ZFPM2: variants seen among roughly 807,000 people sequenced by gnomAD.
ZFPM2 encodes zinc finger protein ZFPM2.
A neutral mutation model predicts 98.6 loss-of-function variants in ZFPM2; 20 were observed. That is an observed-to-expected ratio of 0.20 (90% CI 0.14 to 0.29). ZFPM2 has a LOEUF of 0.29. Among genes scored for constraint, ZFPM2 ranks in the 10% least tolerant of loss-of-function variants. The pLI is 1.00. For synonymous variants in ZFPM2, 518 were observed against 502.7 expected (o/e 1.03, Z -0.41); for missense variants, 1,310 against 1,388.6 (o/e 0.94, Z 0.90).
intron 5 of ZFPM2, chr8:105,676,103 C>T (rs1207140362): frequency 6.6e-6 from 1 of 152,158 alleles, no homozygotes; most frequent in African/African-American, 2.4e-5. Flanking sequence ...AGTATTTTTC[C>T]TCAGAATCTG....
chr8:105,733,225 C>G (rs114826616), intron 5 of ZFPM2, among the ~76,000 whole-genome samples: 1 of 151,856 alleles, frequency 6.6e-6, no homozygotes, highest in African/African-American at 2.4e-5. Context: ...GCAAACTCTG[C>G]TTTCACACAT....
intron 3 of ZFPM2, among the ~76,000 whole-genome samples, chr8:105,485,465 C>G (rs1350837772): frequency 6.6e-6 from 1 of 152,034 alleles, no homozygotes; most frequent in Non-Finnish European, 1.5e-5. Context: ...CTGCAATGAG[C>G]TATGATTGTG....
Position 105,716,589 on chromosome 8 carries a change from T to G in ZFPM2, c.533-72129T>G, listed in dbSNP as rs910155146. 7.2e-5 allele frequency among the ~76,000 whole-genome samples: 11 copies of G among 152,086 alleles called. No homozygotes were observed. The Middle Eastern group carries it at 0.01, about 142-fold the overall frequency. On this transcript the variant is annotated intron_variant, in intron 5 of 7. Coordinates refer to ENST00000407775, the MANE Select transcript of ZFPM2 (RefSeq NM_012082.4). ...ATGTTTCACATGATTTGCAGGAAAT[T>G]TTCTAAACCTTGTTGAGAGACCATG...
chr8:105,634,167 A>G, intron 4 of ZFPM2, 79 bp from the exon 5 acceptor site: 1 of 1,040,646 alleles, frequency 9.6e-7, no homozygotes, highest in South Asian at 1.5e-5. Flanking sequence ...TGTAAAAATA[A>G]AATGATTAGT....
Position 105,802,227 on chromosome 8 carries a change from C to G in ZFPM2, c.2145C>G (p.Asp715Glu). Reference protein sequence around the residue: ...HKQYYCATRHDPPLKRSASNK... With the variant: ...HKQYYCATRHEPPLKRSASNK... ...AGTATTACTGTGCTACACGCCACGA[C>G]CCTCCACTGAAGAGGTCTGCTTCCA... is the stretch of plus-strand genomic sequence containing the variant. Residue 715 changes from aspartate to glutamate, a missense_variant, in exon 8 of 8, where the codon GAC becomes GAG. By Grantham distance (45) the Asp-to-Glu change is conservative. Transcript: ENST00000407775. The G allele has an allele frequency of 6.2e-7, 1 of 1,613,934 alleles. No homozygotes were observed. Among genetic ancestry groups the G allele is most frequent in the Non-Finnish European group, 8.5e-7 (1 of 1,179,864 alleles).
intron 3 of ZFPM2, among the ~76,000 whole-genome samples, chr8:105,448,726 T>A (rs1360784416): frequency 3.9e-5 from 6 of 152,044 alleles, no homozygotes; most frequent in Non-Finnish European, 7.4e-5. Context: ...AAAATGGGAA[T>A]AATAATAGCT....
At chr8:105,418,083 TGCAC>T (rs1811713993) in intron 1 of ZFPM2, among the ~76,000 whole-genome samples, 1 of 152,162 alleles carries the variant, frequency 6.6e-6, no homozygotes, top group African/African-American at 2.4e-5. Flanking sequence ...TTGTAGTATA[TGCAC>T]TATTTTAAAT....
chr8:105,683,584 C>T (rs1193598210), intron 5 of ZFPM2, among the ~76,000 whole-genome samples: 1 of 152,116 alleles, frequency 6.6e-6, no homozygotes, highest in Non-Finnish European at 1.5e-5. Context: ...ATCTTCCCTC[C>T]TCCTTCACAG....
rs397968210 is a variant in ZFPM2 at position 105,775,077 on chromosome 8, TAAAA to T, written c.533-13625_533-13622del. Reference sequence around the variant, plus strand: ...AGAAGTTTAATGAGCCTCTTGGAATTAAAAAAAAAAAAAAAAAAAGCAAAACAAG... The same window carrying T: ...AGAAGTTTAATGAGCCTCTTGGAATTAAAAAAAAAAAAAAAGCAAAACAAG... On this transcript the variant is annotated intron_variant, in intron 5 of 7. Coordinates refer to ENST00000407775, the MANE Select transcript of ZFPM2 (RefSeq NM_012082.4). Among the ~76,000 whole-genome samples, 16 of 104,924 alleles carry T rather than the reference TAAAA, an allele frequency of 1.5e-4. No homozygotes were observed. The East Asian group carries it at 3.1e-3, about 20-fold the overall frequency. 68.8% of individuals were successfully genotyped at this position (104,924 alleles called of 152,430 possible).
chr8:105,330,557 T>TATATATATGTATAC (rs1812197268), intron 1 of ZFPM2, among the ~76,000 whole-genome samples: 1 of 120,822 alleles, frequency 8.3e-6, no homozygotes, highest in Non-Finnish European at 1.7e-5. Context: ...TATATACATA[T>TATATATATGTATAC]ATATATATAT....
chr8:105,710,697 GTGTGT>G (rs1563531604), intron 5 of ZFPM2, among the ~76,000 whole-genome samples: 4 of 134,144 alleles, frequency 3.0e-5, no homozygotes, highest in African/African-American at 1.2e-4. Context: ...GTGTGTGTGT[GTGTGT>G]ATGTGTGTGT....
chr8:105,370,800 G>A (rs541746384), intron 1 of ZFPM2, among the ~76,000 whole-genome samples: 2 of 152,342 alleles, frequency 1.3e-5, no homozygotes, highest in East Asian at 3.9e-4. Context: ...GGCAGAGAAA[G>A]GTGAAGTAAT....
At chr8:105,405,447 AG>A (rs1345988461) in intron 1 of ZFPM2, among the ~76,000 whole-genome samples, 1 of 96,526 alleles carries the variant, frequency 1.0e-5, no homozygotes, top group East Asian at 3.6e-4. Context: ...ACCCCACAAC[AG>A]TCCCTGGTGT....
intron 2 of ZFPM2, among the ~76,000 whole-genome samples, chr8:105,433,558 C>T (rs561359679): frequency 4.6e-5 from 7 of 152,216 alleles, no homozygotes; most frequent in South Asian, 2.1e-4. Flanking sequence ...GAGGCCGAGG[C>T]GGTTGGATCA....
intron 3 of ZFPM2, among the ~76,000 whole-genome samples, chr8:105,489,128 C>G (rs1345197661): frequency 6.6e-6 from 1 of 151,908 alleles, no homozygotes; most frequent in Non-Finnish European, 1.5e-5. Flanking sequence ...TATAGCAGTA[C>G]ATTTCTAAAG....
At chr8:105,620,646 A>C (rs980217965) in intron 4 of ZFPM2, among the ~76,000 whole-genome samples, 33 of 152,106 alleles carry the variant, frequency 2.2e-4, no homozygotes, top group Non-Finnish European at 4.1e-4. Context: ...GTTTTCTTCT[A>C]GGTTTTTTAT....
At chr8:105,777,445 C>T (rs939837481) in intron 5 of ZFPM2, among the ~76,000 whole-genome samples, 3 of 152,268 alleles carry the variant, frequency 2.0e-5, no homozygotes, top group South Asian at 2.1e-4. Context: ...TCTGTCCTCT[C>T]CTTTGGTCCA....
intron 1 of ZFPM2, among the ~76,000 whole-genome samples, chr8:105,371,659 T>TCATGACTG (rs1356984568): frequency 6.6e-6 from 1 of 152,154 alleles, no homozygotes; most frequent in Non-Finnish European, 1.5e-5. Context: ...AAATTTTAGG[T>TCATGACTG]CATGACTGGA....
chr8:105,481,217 TC>T (rs1813110906), intron 3 of ZFPM2, among the ~76,000 whole-genome samples: 1 of 152,162 alleles, frequency 6.6e-6, no homozygotes, highest in South Asian at 2.1e-4. Context: ...CTATATTGCT[TC>T]CCTTAATTTT....
Sources: gnomAD v4.1 joint callset for allele counts (sites outside exome capture counted in the v4.1 genomes callset) on GRCh38, gnomAD v4.1.1 for gene constraint, MANE v1.5 for transcripts, NCBI Gene and HGNC (gene_info 2026-07-23, HGNC 2026-07-21) for gene names.